The following PLEKHM3 variants were observed in gnomAD, a reference collection of about 807,000 sequenced individuals.
The protein encoded by PLEKHM3 is pleckstrin homology domain containing M3.
PLEKHM3 carries 45 observed loss-of-function variants against 81.8 expected under a neutral mutation model. That is an observed-to-expected ratio of 0.55 (90% CI 0.43 to 0.71). The LOEUF is 0.71. Ranked by LOEUF, PLEKHM3 falls within the 30% of genes least tolerant of loss-of-function variation. The probability of loss-of-function intolerance (pLI) is 0.00; values close to 1 mark genes in which losing one functional copy is unlikely to be tolerated. For missense variants in PLEKHM3, 788 were observed against 924.3 expected (o/e 0.85, Z 1.91); for synonymous variants, 352 against 356.4 (o/e 0.99, Z 0.14).
intron 2 of PLEKHM3, among the ~76,000 whole-genome samples, chr2:207,985,881 G>A (rs573930710): frequency 6.9e-4 from 105 of 151,942 alleles, no homozygotes; most frequent in Non-Finnish European, 1.4e-3. Flanking sequence ...CCAGCTACTC[G>A]GGAAGCTGAG....
At chr2:207,931,802 GTC>G (rs1689607682) in intron 4 of PLEKHM3, among the ~76,000 whole-genome samples, 1 of 151,854 alleles carries the variant, frequency 6.6e-6, no homozygotes, top group African/African-American at 2.4e-5. Flanking sequence ...GCGAAACCCC[GTC>G]TCTACTAAAA....
chr2:208,012,064 C>T (rs546160663), intron 1 of PLEKHM3, among the ~76,000 whole-genome samples: 10 of 151,934 alleles, frequency 6.6e-5, no homozygotes, highest in South Asian at 4.2e-4. Context: ...GTTTTTGAGA[C>T]GGAGTCTCGC....
chr2:207,938,511 G>A (rs1689835606), intron 4 of PLEKHM3, among the ~76,000 whole-genome samples: 1 of 152,210 alleles, frequency 6.6e-6, no homozygotes, highest in South Asian at 2.1e-4. Context: ...CTAACAGAAC[G>A]ATGTCTGGTC....
At chr2:207,992,403 G>A (rs375371209) in intron 2 of PLEKHM3, among the ~76,000 whole-genome samples, 8 of 152,206 alleles carry the variant, frequency 5.3e-5, no homozygotes, top group Non-Finnish European at 7.4e-5. Flanking sequence ...TAAAATTATC[G>A]CTCATTAAGT....
intron 5 of PLEKHM3, 130 bp downstream of exon 5, chr2:207,930,796 G>C: frequency 2.1e-6 from 2 of 963,864 alleles, no homozygotes; most frequent in South Asian, 3.2e-5. Context: ...GCTGGCAGTG[G>C]AGAGGCGGAG....
intron 6 of PLEKHM3, among the ~76,000 whole-genome samples, chr2:207,893,012 G>T (rs1380057281): frequency 3.9e-5 from 6 of 152,156 alleles, no homozygotes; most frequent in African/African-American, 9.7e-5. Flanking sequence ...GAAAGCCTGT[G>T]TAAAGACCAC....
intron 1 of PLEKHM3, among the ~76,000 whole-genome samples, chr2:208,010,113 A>G (rs1230038920): frequency 1.3e-5 from 2 of 152,234 alleles, no homozygotes; most frequent in African/African-American, 4.8e-5. Flanking sequence ...TTAGAGCTCA[A>G]GCTCTTTACA....
intron 7 of PLEKHM3, among the ~76,000 whole-genome samples, chr2:207,834,310 A>G (rs1369231653): frequency 6.6e-6 from 1 of 151,572 alleles, no homozygotes; most frequent in Non-Finnish European, 1.5e-5. Flanking sequence ...TTGTATTTTT[A>G]GTAGAGATAG....
Position 207,931,069 on chromosome 2 carries a change from G to C in PLEKHM3, c.1743C>G (p.Leu581=), listed in dbSNP as rs1419929815. ...EFLEYVYEEP[L]IDIQQENAML... is the part of the protein sequence containing the mutation. ...TGGCGTTCTCCTGCTGGATGTCGAT[G>C]AGCGGCTCTTCGTACACGTACTCCA... is the stretch of plus-strand genomic sequence containing the variant. Residue 581 remains leucine, a synonymous_variant, in exon 5 of 8, where the codon CTC becomes CTG. Coordinates refer to ENST00000427836, the MANE Select transcript of PLEKHM3 (RefSeq NM_001080475.3). 3.1e-6 allele frequency: 5 copies of C among 1,613,922 alleles called. No individual in the cohort carries two copies. In the African/African-American group the frequency reaches 6.7e-5, roughly 22 times the overall value.
chr2:207,929,068 C>T (rs1433711857), intron 5 of PLEKHM3, among the ~76,000 whole-genome samples: 1 of 152,240 alleles, frequency 6.6e-6, no homozygotes, highest in Non-Finnish European at 1.5e-5. Flanking sequence ...TTCCATCTAT[C>T]CATTCAGTAC....
Position 207,977,148 on chromosome 2 carries a change from G to A in PLEKHM3, c.1049C>T (p.Ser350Phe). 1 of 1,614,206 alleles carries A rather than the reference G, an allele frequency of 6.2e-7. No individual in the cohort carries two copies. ...CTGTTTGGAGCTGTCCAGGACAGGG[G>A]ACGGTGGCAGCAGCCCACTGGTTTT... ...QKKTSGLLPP[S>F]PVLDSSKQYQ... The change falls in exon 3 of 8, where the codon TCC becomes TTC. Residue 350 changes from serine (S) to phenylalanine (F), a missense_variant. Physicochemically the swap from Ser to Phe is radical, Grantham distance 155. Coordinates refer to ENST00000427836, the MANE Select transcript of PLEKHM3 (RefSeq NM_001080475.3).
At chr2:207,904,420 A>G (rs1688539434) in intron 6 of PLEKHM3, among the ~76,000 whole-genome samples, 1 of 152,144 alleles carries the variant, frequency 6.6e-6, no homozygotes, top group Non-Finnish European at 1.5e-5. Context: ...ACTTGGCTCC[A>G]TTTTACACGT....
At chr2:207,960,707 A>G (rs1690699549) in intron 3 of PLEKHM3, among the ~76,000 whole-genome samples, 1 of 152,230 alleles carries the variant, frequency 6.6e-6, no homozygotes, top group African/African-American at 2.4e-5. Context: ...TTATTGAGAG[A>G]TGAAGATCAC....
Position 207,957,202 on chromosome 2 carries a change from C to T in PLEKHM3, c.1547-10690G>A, listed in dbSNP as rs113913143. Among the ~76,000 whole-genome samples the T allele has an allele frequency of 8.9e-3, 1,357 of 152,210 alleles. 7 individuals carry two copies. The highest frequency in any genetic ancestry group is 0.013 in the Non-Finnish European group (858 of 68,014). ...AACATAGTTCAAAAAATTTGAGCTA[C>T]CAGATCTACTGATGCTTAAAGCTCA... is the stretch of plus-strand genomic sequence containing the variant. On this transcript the variant is annotated intron_variant, in intron 3 of 7. Coordinates refer to ENST00000427836, the MANE Select transcript of PLEKHM3 (RefSeq NM_001080475.3).
At chr2:207,895,392 GAAACTCAAATCCGTAGTTTTATTACCC>G (rs894174701) in intron 6 of PLEKHM3, among the ~76,000 whole-genome samples, 6 of 152,184 alleles carry the variant, frequency 3.9e-5, no homozygotes, top group African/African-American at 1.2e-4. Context: ...AGAAAAAGGT[GAAACTCAAATCCGTAGTTTTATTACCC>G]AAACTCAAAT....
At chr2:208,014,498 G>A (rs954246953) in intron 1 of PLEKHM3, among the ~76,000 whole-genome samples, 8 of 152,162 alleles carry the variant, frequency 5.3e-5, no homozygotes, top group Non-Finnish European at 1.2e-4. Flanking sequence ...ACAAAAGTTA[G>A]CTGGCCGTGG....
chr2:207,910,920 A>T (rs2105904997), intron 5 of PLEKHM3, among the ~76,000 whole-genome samples: 1 of 152,306 alleles, frequency 6.6e-6, no homozygotes, highest in South Asian at 2.1e-4. Context: ...TAAGTGAAAA[A>T]GGAGAAGGGA....
chr2:207,953,057 C>T (rs980415327), intron 3 of PLEKHM3, among the ~76,000 whole-genome samples: 3 of 152,172 alleles, frequency 2.0e-5, no homozygotes, highest in East Asian at 1.9e-4. Flanking sequence ...TACGTTCTGT[C>T]GGTTACAAAG....
chr2:207,852,752 T>C (rs1347809667), intron 7 of PLEKHM3: 2 of 436,432 alleles, frequency 4.6e-6, no homozygotes, highest in Non-Finnish European at 9.0e-6. Flanking sequence ...CTGTTCACTA[T>C]ATAGGTGATG....
Sources: allele counts gnomAD v4.1 joint callset (sites outside exome capture counted in the v4.1 genomes callset), GRCh38; gene constraint gnomAD v4.1.1; transcripts MANE v1.5; gene names NCBI Gene and HGNC (gene_info 2026-07-23, HGNC 2026-07-21).